The following ZNF91 variants were observed in gnomAD, a reference collection of about 807,000 sequenced individuals.
ZNF91 encodes the protein zinc finger protein 91 (HPF7, HTF10).
ZNF91 carries 7 observed loss-of-function variants against 12.6 expected under a neutral mutation model. The observed-to-expected ratio is 0.55, with a 90% CI of 0.31 to 1.04. The LOEUF is 1.04. ZNF91 is among the 50% of genes least tolerant of loss of function. The pLI is 0.05. For synonymous variants in ZNF91, 453 were observed against 462.6 expected (o/e 0.98, Z 0.27); for missense variants, 1,217 against 1,385.4 (o/e 0.88, Z 1.93).
chr19:23,376,363 C>T (rs1969503622), intron 1 of ZNF91, among the ~76,000 whole-genome samples: 1 of 151,682 alleles, frequency 6.6e-6, no homozygotes, highest in Non-Finnish European at 1.5e-5. Context: ...TTTCAGAGAT[C>T]CTTGACTATC....
rs543602982 is a variant in ZNF91 at position 23,317,107 on chromosome 19, G to A, written n.117-8010C>T. On this transcript the variant is annotated intron_variant and non_coding_transcript_variant, in intron 1 of 1. Transcript: ENST00000596528. ...GTCGCCCAGGCTGGAGTGCAGTGGC[G>A]CGATCTTGGCTCACTGCAAGCTCCG... 5.3e-5 allele frequency among the ~76,000 whole-genome samples: 8 copies of A among 151,592 alleles called. No homozygotes were observed. The East Asian group carries it at 7.8e-4, about 15-fold the overall frequency.
In ZNF91 at chr19:23,360,188, T is replaced by C. The variant is rs1179528399; in HGVS notation, c.2791A>G (p.Met931Val). ...TTGTAGGGTTTCTCTCCAGTGTGCA[T>C]CCTCTTATGTGTAGTAAGGTGTGAA... ...QPSHLTTHKR[M>V]HTGEKPYKCE... Residue 931 changes from methionine (M) to valine (V), a missense_variant, in exon 4 of 4, where the codon ATG becomes GTG. By Grantham distance (21) the Met-to-Val change is conservative (BLOSUM62 1). This residue lies in a region of ZNF91 where 491 missense variants were observed against 489.8 expected (regional missense o/e 1.00). Coordinates refer to ENST00000300619, the MANE Select transcript of ZNF91 (RefSeq NM_003430.4). 2.5e-6 allele frequency: 4 copies of C among 1,613,974 alleles called. No homozygotes were observed. The highest frequency in any genetic ancestry group is 3.4e-6 in the Non-Finnish European group (4 of 1,180,006).
intron 1 of ZNF91, among the ~76,000 whole-genome samples, chr19:23,333,443 A>G (rs1356249456): frequency 1.3e-5 from 2 of 152,196 alleles, no homozygotes; most frequent in Non-Finnish European, 2.9e-5. Context: ...CTCAACTGTG[A>G]TAGCCTCTGG....
chr19:23,374,927 G>A (rs1335497759), intron 1 of ZNF91, among the ~76,000 whole-genome samples, 163 bp from the exon 2 acceptor site: 1 of 152,168 alleles, frequency 6.6e-6, no homozygotes, highest in Non-Finnish European at 1.5e-5. Context: ...GTTTTGTAAT[G>A]TATTCTCTAA....
chr19:23,395,291 C>T (rs1238837160), intron 1 of ZNF91, 34 bp downstream of exon 1: 1 of 1,611,006 alleles, frequency 6.2e-7, no homozygotes, highest in Non-Finnish European at 8.5e-7. Context: ...GAGCCCCGTT[C>T]CCTCTCTCGG....
chr19:23,337,713 CAA>C (rs1284844010), downstream of ZNF91: 7 of 151,724 alleles, frequency 4.6e-5, no homozygotes, highest in Admixed American at 2.6e-4. Flanking sequence ...TAAAGAAACT[CAA>C]AGAGAGGCAA....
chr19:23,359,284 G>A lies in ZNF91; in HGVS notation c.*119C>T, dbSNP rs530264735. 287 of 485,820 alleles carry A rather than the reference G, an allele frequency of 5.9e-4. 2 individuals are homozygous for A. The highest frequency in any genetic ancestry group is 5.7e-3 in the South Asian group (259 of 45,188). The allele number at this position is 485,820 out of a possible 1,614,324, so 30.1% of individuals were successfully genotyped here. A position where few individuals can be genotyped will look rare whatever the true frequency, so the allele number is the denominator to read the frequency against. ...GTCGCCCAGGCTTGAGTGCAGTGGC[G>A]TGATCTCGGCTCACTGCAAGCTCCG... On this transcript the variant is annotated 3_prime_UTR_variant, in exon 4 of 4. Coordinates refer to ENST00000300619, the MANE Select transcript of ZNF91 (RefSeq NM_003430.4).
intron 1 of ZNF91, among the ~76,000 whole-genome samples, chr19:23,315,976 T>C (rs1967550860): frequency 6.6e-6 from 1 of 152,100 alleles, no homozygotes; most frequent in African/African-American, 2.4e-5. Context: ...CCAACATACA[T>C]TGTGTATTGT....
intron 1 of ZNF91, among the ~76,000 whole-genome samples, chr19:23,390,705 C>T (rs1165095075): frequency 1.3e-5 from 2 of 152,032 alleles, no homozygotes; most frequent in Non-Finnish European, 1.5e-5. Flanking sequence ...TGACCACAGG[C>T]GTGTGCCACC....
intron 1 of ZNF91, among the ~76,000 whole-genome samples, chr19:23,394,122 G>C (rs950936252): frequency 3.3e-5 from 5 of 152,202 alleles, no homozygotes; most frequent in Admixed American, 6.5e-5. Flanking sequence ...TGGAAATTTA[G>C]TATTTTACTG....
intron 1 of ZNF91, among the ~76,000 whole-genome samples, chr19:23,323,301 TTCC>T (rs774097638): frequency 4.0e-4 from 58 of 144,772 alleles, no homozygotes; most frequent in Non-Finnish European, 6.2e-4. Context: ...CCTCCTTCTC[TTCC>T]TCATCTTCCT....
At chr19:23,368,549 TC>T (rs1969117708) in intron 3 of ZNF91, among the ~76,000 whole-genome samples, 1 of 145,934 alleles carries the variant, frequency 6.9e-6, no homozygotes, top group Non-Finnish European at 1.5e-5. Flanking sequence ...TCTCTCTCTC[TC>T]TCTCTCTCTC....
chr19:23,386,659 GATTA>G (rs972558431), intron 1 of ZNF91, among the ~76,000 whole-genome samples: 3 of 152,056 alleles, frequency 2.0e-5, no homozygotes, highest in East Asian at 1.9e-4. Flanking sequence ...ATCAACTCAA[GATTA>G]ATTAAAGACT....
chr19:23,388,583 A>G (rs1284658557), intron 1 of ZNF91, among the ~76,000 whole-genome samples: 1 of 152,186 alleles, frequency 6.6e-6, no homozygotes, highest in African/African-American at 2.4e-5. Flanking sequence ...TGGAAAACCA[A>G]TGCGGAGGCC....
At chr19:23,386,726 C>T (rs1029688022) in intron 1 of ZNF91, among the ~76,000 whole-genome samples, 2 of 152,050 alleles carry the variant, frequency 1.3e-5, no homozygotes, top group Non-Finnish European at 2.9e-5. Context: ...CAAAGAAATA[C>T]CATTCTAGAC....
At chr19:23,374,537 G>C in intron 2 of ZNF91, 101 bp downstream of exon 2, 1 of 1,212,834 alleles carries the variant, frequency 8.2e-7, no homozygotes, top group South Asian at 1.5e-5. Context: ...TCCAGTCTGG[G>C]CAACAGAGCA....
At chr19:23,374,560 A>AC (rs1491382253) in intron 2 of ZNF91, 78 bp downstream of exon 2, 17 of 198,830 alleles carry the variant, frequency 8.6e-5, no homozygotes, top group Non-Finnish European at 1.2e-4. Context: ...ACTCTGTCTC[A>AC]AAAAAAAAAA....
At chr19:23,331,218 C>A (rs1439069567) in intron 1 of ZNF91, among the ~76,000 whole-genome samples, 1 of 152,028 alleles carries the variant, frequency 6.6e-6, no homozygotes, top group Non-Finnish European at 1.5e-5. Context: ...TATGTTAGAC[C>A]TTCTATTGTG....
intron 1 of ZNF91, chr19:23,328,669 C>T (rs1373852171): frequency 6.6e-6 from 1 of 152,146 alleles, no homozygotes; most frequent in Admixed American, 6.5e-5. Flanking sequence ...AATGATTGGC[C>T]TTCTGTTTGG....
Sources: gnomAD v4.1 joint callset for allele counts (sites outside exome capture counted in the v4.1 genomes callset) on GRCh38, gnomAD v4.1.1 for gene constraint, gnomAD v4.1.1 regional missense constraint, MANE v1.5 for transcripts, NCBI Gene and HGNC (gene_info 2026-07-23, HGNC 2026-07-21) for gene names.